The following ZNF750 variants were observed in gnomAD, a reference collection of about 807,000 sequenced individuals.
ZNF750 encodes zinc finger protein 750.
In ZNF750, 10 loss-of-function variants were observed where a neutral mutation model predicts 31.6. The ratio of observed to expected loss-of-function variants is 0.32; its 90% CI spans 0.19 to 0.54. ZNF750 has a LOEUF of 0.54. ZNF750 is among the 20% of genes least tolerant of loss of function. ZNF750 has a pLI of 0.95. For synonymous variants in ZNF750, 400 were observed against 404.9 expected, an observed-to-expected ratio of 0.99 and a Z score of 0.15; for missense variants, 914 against 934.9, an observed-to-expected ratio of 0.98 and a Z score of 0.29.
Position 82,834,302 on chromosome 17 carries a change from C to T in ZNF750, c.-182-1666G>A, listed in dbSNP as rs79826066. On this transcript the variant is annotated intron_variant, in intron 1 of 2. Coordinates refer to ENST00000269394, the MANE Select transcript of ZNF750 (RefSeq NM_024702.3). ...GTCCACCTGGCAGCTGGGCCTGGAG[C>T]GACTCAAGCAGCAACTGTGCCTGGG... Among the ~76,000 whole-genome samples, 1,258 of 152,218 alleles carry T rather than the reference C, an allele frequency of 8.3e-3. 12 individuals carry two copies. Among genetic ancestry groups the T allele is most frequent in the African/African-American group, 0.027 (1,141 of 41,534 alleles).
In ZNF750 at chr17:82,830,540, C is replaced by T. The variant is rs1567850550; in HGVS notation, c.1774G>A (p.Asp592Asn). The change falls in exon 3 of 3, where the codon GAT (aspartate) becomes AAT (asparagine). Residue 592 changes from aspartate (D) to asparagine (N), a missense_variant. By Grantham distance (23) the Asp-to-Asn change is conservative. Coordinates refer to ENST00000269394, the MANE Select transcript of ZNF750 (RefSeq NM_024702.3). Reference protein sequence around the residue: ...PQKTGTEGSEDGPSHPETKPG... With the variant: ...PQKTGTEGSENGPSHPETKPG... ...TTGGTCTCAGGGTGGCTGGGCCCAT[C>T]CTCAGAACCTTCTGTCCCAGTCTTC... 9 of 1,614,102 alleles carry T rather than the reference C, an allele frequency of 5.6e-6. No homozygotes were observed. The highest frequency in any genetic ancestry group is 5.9e-6 in the Non-Finnish European group (7 of 1,180,032).
rs1357560160 is a variant in ZNF750, at chr17:82,832,561, C to A, written c.-107G>T. The A allele has an allele frequency of 9.8e-7, 1 of 1,021,868 alleles. No homozygotes were observed. The highest frequency in any genetic ancestry group is 1.9e-5 in the Admixed American group (1 of 51,408). The allele number at this position is 1,021,868 out of a possible 1,614,324, so 63.3% of individuals were successfully genotyped here. ...AGGCACCTCCCGCTTTGCTTTCTTT[C>A]CCGATCACTTCTATCAGAAGCCAGC... On this transcript the variant is annotated 5_prime_UTR_variant, in exon 2 of 3. Coordinates refer to ENST00000269394, the MANE Select transcript of ZNF750 (RefSeq NM_024702.3). This position sits in a 1 kb window ranked among gnomAD's most constrained non-coding sequence, Gnocchi z 4.9.
In ZNF750 at chr17:82,831,853, T is replaced by A; in HGVS notation, c.602A>T (p.His201Leu). 1 of 1,614,162 alleles carries A rather than the reference T, an allele frequency of 6.2e-7. No homozygotes were observed. Among genetic ancestry groups the A allele is most frequent in the Non-Finnish European group, 8.5e-7 (1 of 1,180,000 alleles). ...AVSFHTKSAFHTPGYPWKAGS... is the reference protein window; with the variant it reads ...AVSFHTKSAFLTPGYPWKAGS... ...GGCTTTCCAGGGGTAGCCAGGAGTG[T>A]GGAAGGCCGACTTGGTGTGGAAAGA... The change falls in exon 2 of 3, where the codon CAC becomes CTC. Residue 201 changes from histidine to leucine, a missense_variant. Physicochemically the swap from His to Leu is moderately conservative, Grantham distance 99. Transcript: ENST00000269394. This position sits in a 1 kb window ranked among gnomAD's most constrained non-coding sequence, Gnocchi z 4.6.
rs1200336357 is a variant in ZNF750 at position 82,829,672 on chromosome 17, GTGT to G, written c.*467_*469del. ...GTATAAATAGCCTCTTGATGTTTGTGTGTTATTTAGTTATACAAATCACATTTT... is the reference window on the plus strand; with the variant it reads ...GTATAAATAGCCTCTTGATGTTTGTGTATTTAGTTATACAAATCACATTTT... On this transcript the variant is annotated 3_prime_UTR_variant, in exon 3 of 3. Coordinates refer to ENST00000269394, the MANE Select transcript of ZNF750 (RefSeq NM_024702.3). 5.9e-6 allele frequency: 1 copy of G among 169,222 alleles called. No homozygotes were observed. Among genetic ancestry groups the G allele is most frequent in the African/African-American group, 2.4e-5 (1 of 41,602 alleles). The allele number at this position is 169,222 out of a possible 1,614,324, so 10.5% of individuals were successfully genotyped here.
Position 82,831,276 on chromosome 17 carries a change from T to G in ZNF750, c.1179A>C (p.Arg393Ser), listed in dbSNP as rs1375704251. The change falls in exon 2 of 3, where the codon AGA (arginine) becomes AGC (serine). Residue 393 changes from arginine (R) to serine (S), a missense_variant. Arg to Ser is a moderately radical substitution (Grantham distance 110). Transcript: ENST00000269394. The surrounding 1 kb of genome is among the most constrained non-coding windows in gnomAD (Gnocchi z 4.6). ...GGCTCATTTTGGACCCTTCCGTGTC[T>G]CTCTGCCCAGCCTTGGAGGAGTCTT... Reference protein sequence around the residue: ...EAKDSSKAGQRDTEGSKMSPR... With the variant: ...EAKDSSKAGQSDTEGSKMSPR... The G allele has an allele frequency of 6.2e-7, 1 of 1,613,904 alleles. No homozygotes were observed. The highest frequency in any genetic ancestry group is 1.7e-5 in the Admixed American group (1 of 60,020).
rs1162139060 is a variant in ZNF750, at chr17:82,830,769, G to T, written c.1545C>A (p.Asn515Lys). The T allele has an allele frequency of 6.2e-7, 1 of 1,613,858 alleles. No homozygotes were observed. The highest frequency in any genetic ancestry group is 8.5e-7 in the Non-Finnish European group (1 of 1,180,042). Residue 515 changes from asparagine (N) to lysine (K), a missense_variant, in exon 3 of 3, where the codon AAC becomes AAA. Coordinates refer to ENST00000269394, the MANE Select transcript of ZNF750 (RefSeq NM_024702.3). ...PDDSSGMGPL[N>K]LSKKSEINLA... ...GGTTTATCTCTGATTTCTTGGAGAG[G>T]TTGAGGGGGCCCATCCCGGAGCTGT... is the stretch of plus-strand genomic sequence containing the variant.
chr17:82,830,815 G>A lies in ZNF750; in HGVS notation c.1499C>T (p.Ala500Val). The A allele has an allele frequency of 1.2e-6, 2 of 1,613,454 alleles. No individual in the cohort carries two copies. The highest frequency in any genetic ancestry group is 1.7e-6 in the Non-Finnish European group (2 of 1,180,040). The change falls in exon 3 of 3, where the codon GCC becomes GTC. Residue 500 changes from alanine (A) to valine (V), a missense_variant. By Grantham distance (64) the Ala-to-Val change is moderately conservative. This residue lies in a region of ZNF750 where 880 missense variants were observed against 868.9 expected (regional missense o/e 1.01). Coordinates refer to ENST00000269394, the MANE Select transcript of ZNF750 (RefSeq NM_024702.3). Reference protein sequence around the residue: ...PTGSASLVSEAAPSSPDDSSG... With the variant: ...PTGSASLVSEVAPSSPDDSSG... Reference sequence around the variant, plus strand: ...GCTGTCGTCCGGACTGGAAGGCGCGGCCTCCGAGACGAGAGAGGCGCTTCC... The same window carrying A: ...GCTGTCGTCCGGACTGGAAGGCGCGACCTCCGAGACGAGAGAGGCGCTTCC...
chr17:82,832,347 C>G lies in ZNF750; in HGVS notation c.108G>C (p.Glu36Asp). The G allele has an allele frequency of 7.4e-6, 12 of 1,614,194 alleles. No individual in the cohort carries two copies. Among genetic ancestry groups the G allele is most frequent in the African/African-American group, 2.7e-5 (2 of 75,058 alleles). ...KCFQCPFTCN[E>D]KSHLFNHMKY... ...TCATGTGATTAAAAAGATGTGACTT[C>G]TCATTGCAAGTAAAGGGACATTGGA... Residue 36 changes from glutamate to aspartate, a missense_variant, in exon 2 of 3, where the codon GAG becomes GAC. Glu to Asp is a conservative substitution (Grantham distance 45). Transcript: ENST00000269394. The surrounding 1 kb of genome is among the most constrained non-coding windows in gnomAD (Gnocchi z 4.9).
chr17:82,832,106 G>C lies in ZNF750; in HGVS notation c.349C>G (p.Leu117Val). The C allele has an allele frequency of 1.2e-6, 2 of 1,614,252 alleles. No homozygotes were observed. The highest frequency in any genetic ancestry group is 1.3e-5 in the African/African-American group (1 of 75,068). ...AREDIKENLE[L>V]QARGTHRCLG... ...CACCTGTGGGTTCCCCGGGCTTGCA[G>C]CTCCAGGTTTTCCTTGATGTCTTCC... Residue 117 changes from leucine (L) to valine (V), a missense_variant, in exon 2 of 3, where the codon CTG (leucine) becomes GTG (valine). Leu to Val is a conservative substitution (Grantham distance 32). This residue lies in a region of ZNF750 where 880 missense variants were observed against 868.9 expected (regional missense o/e 1.01). Transcript: ENST00000269394. This position sits in a 1 kb window ranked among gnomAD's most constrained non-coding sequence, Gnocchi z 4.9.
rs759219758 is a variant in ZNF750, at chr17:82,830,873, T to A, written c.1441A>T (p.Asn481Tyr). 23 of 1,612,326 alleles carry A rather than the reference T, an allele frequency of 1.4e-5. No homozygotes were observed. The highest frequency in any genetic ancestry group is 1.9e-5 in the Non-Finnish European group (23 of 1,179,950). Reference protein sequence around the residue: ...ETTAESPVSLNVVNGDPPAPT... With the variant: ...ETTAESPVSLYVVNGDPPAPT... Reference sequence around the variant, plus strand: ...GCAGGAGGGTCTCCGTTCACAACATTGAGGCTAGAAGAAGCCAAGAAAAAG... The same window carrying A: ...GCAGGAGGGTCTCCGTTCACAACATAGAGGCTAGAAGAAGCCAAGAAAAAG... Residue 481 changes from asparagine to tyrosine, a missense_variant, in exon 3 of 3, where the codon AAT becomes TAT. Asn to Tyr is a moderately radical substitution (Grantham distance 143, BLOSUM62 -2). This residue lies in a region of ZNF750 where 880 missense variants were observed against 868.9 expected (regional missense o/e 1.01). Transcript: ENST00000269394.
rs753642559 is a variant in ZNF750, at chr17:82,830,200, G to C, written c.2114C>G (p.Ala705Gly). The change falls in exon 3 of 3, where the codon GCG (alanine) becomes GGG (glycine). Residue 705 changes from alanine (A) to glycine (G), a missense_variant. Physicochemically the swap from Ala to Gly is moderately conservative, Grantham distance 60. Coordinates refer to ENST00000269394, the MANE Select transcript of ZNF750 (RefSeq NM_024702.3). ...CACTCTGGCCGTGTCCTGCAGCTTC[G>C]CCTTCTTAGCTCCTTGCTGGGATTT... ...AGKSQQGAKK[A>G]KLQDTARVFT... is the part of the protein sequence containing the mutation. The C allele has an allele frequency of 1.9e-6, 3 of 1,614,182 alleles. No individual in the cohort carries two copies. The South Asian group carries it at 3.3e-5, about 18-fold the overall frequency.
chr17:82,837,911 G>C (rs1567864187), intron 1 of ZNF750, among the ~76,000 whole-genome samples: 1 of 152,258 alleles, frequency 6.6e-6, no homozygotes, highest in Non-Finnish European at 1.5e-5. Flanking sequence ...AAGGGCGTAA[G>C]AACAGTGGGG....
At position 82,830,557 on chromosome 17, in the gene ZNF750, C is replaced by A. The variant is rs368209534; in HGVS notation, c.1757G>T (p.Gly586Val). ...EPAAAVPQKT[G>V]TEGSEDGPSH... ...GGGCCCATCCTCAGAACCTTCTGTC[C>A]CAGTCTTCTGTGGAACAGCAGCAGC... The change falls in exon 3 of 3, where the codon GGG becomes GTG. Residue 586 changes from glycine to valine, a missense_variant. By Grantham distance (109) the Gly-to-Val change is moderately radical (BLOSUM62 -3). Coordinates refer to ENST00000269394, the MANE Select transcript of ZNF750 (RefSeq NM_024702.3). 1 of 1,613,918 alleles carries A rather than the reference C, an allele frequency of 6.2e-7. No individual in the cohort carries two copies. Among genetic ancestry groups the A allele is most frequent in the Non-Finnish European group, 8.5e-7 (1 of 1,179,986 alleles).
intron 1 of ZNF750, among the ~76,000 whole-genome samples, chr17:82,836,943 A>G (rs1302430452): frequency 6.6e-6 from 1 of 152,086 alleles, no homozygotes. Flanking sequence ...CCTGGTGGTG[A>G]GAGTGTTTGG....
chr17:82,838,595 C>T (rs1461778031), intron 1 of ZNF750: 1 of 956,030 alleles, frequency 1.0e-6, no homozygotes, highest in African/African-American at 1.8e-5. Context: ...TGTCGCCTAC[C>T]CACTGTGATG....
Position 82,829,866 on chromosome 17 carries a change from C to T in ZNF750, c.*276G>A. 2.1e-6 allele frequency: 1 copy of T among 476,846 alleles called. No individual in the cohort carries two copies. The highest frequency in any genetic ancestry group is 3.7e-6 in the Non-Finnish European group (1 of 269,842). 29.5% of individuals were successfully genotyped at this position (476,846 alleles called of 1,614,324 possible). ...TTATAAGGAAACATTTATAAAAGAT[C>T]TTCTGTAAGACAGCTTAGACTTGAA... On this transcript the variant is annotated 3_prime_UTR_variant, in exon 3 of 3. Transcript: ENST00000269394.
Position 82,830,642 on chromosome 17 carries a change from G to T in ZNF750, c.1672C>A (p.Pro558Thr), listed in dbSNP as rs754847186. 30 of 1,613,922 alleles carry T rather than the reference G, an allele frequency of 1.9e-5. No individual in the cohort carries two copies. The highest frequency in any genetic ancestry group is 2.5e-5 in the Non-Finnish European group (30 of 1,179,952). ...DLPLNLSVKD[P>T]CNTQAPRPAF... ...GGCCTCGGAGCCTGGGTGTTACAGG[G>T]GTCCTTCACCGAGAGATTGAGTGGA... Residue 558 changes from proline to threonine, a missense_variant, in exon 3 of 3, where the codon CCC becomes ACC. Pro to Thr is a conservative substitution (Grantham distance 38). Around this residue, in one of 2 missense-constraint regions of ZNF750, gnomAD observed 880 missense variants for 868.9 expected, o/e 1.01. Coordinates refer to ENST00000269394, the MANE Select transcript of ZNF750 (RefSeq NM_024702.3).
At position 82,830,582 on chromosome 17, in the gene ZNF750, C is replaced by T. The variant is rs1302090910; in HGVS notation, c.1732G>A (p.Ala578Thr). Residue 578 changes from alanine to threonine, a missense_variant, in exon 3 of 3, where the codon GCT becomes ACT. Physicochemically the swap from Ala to Thr is moderately conservative, Grantham distance 58 (BLOSUM62 0). This residue lies in a region of ZNF750 where 880 missense variants were observed against 868.9 expected (regional missense o/e 1.01). Coordinates refer to ENST00000269394, the MANE Select transcript of ZNF750 (RefSeq NM_024702.3). ...CCAGTCTTCTGTGGAACAGCAGCAG[C>T]AGGTTCTGCAGCTCGTGGTCGACCG... ...FPGRPRAAEP[A>T]AAVPQKTGTE... The T allele has an allele frequency of 1.9e-6, 3 of 1,614,082 alleles. No homozygotes were observed. Among genetic ancestry groups the T allele is most frequent in the Non-Finnish European group, 2.5e-6 (3 of 1,179,992 alleles).
At chr17:82,836,994 T>G (rs2054043406) in intron 1 of ZNF750, among the ~76,000 whole-genome samples, 1 of 152,200 alleles carries the variant, frequency 6.6e-6, no homozygotes, top group Non-Finnish European at 1.5e-5. Flanking sequence ...ATATGGAGTC[T>G]CGGGCAGTGG....
Sources: allele counts gnomAD v4.1 joint callset (sites outside exome capture counted in the v4.1 genomes callset), GRCh38; gene constraint gnomAD v4.1.1; regional missense constraint gnomAD v4.1.1; non-coding constraint Gnocchi (gnomAD v3.1); transcripts MANE v1.5; gene names NCBI Gene and HGNC (gene_info 2026-07-23, HGNC 2026-07-21).